Variants in ERC1 observed in about 807,000 individuals in gnomAD.
The protein encoded by ERC1 is RAB6 interacting protein 2.
A neutral mutation model predicts 132.0 loss-of-function variants in ERC1; 56 were observed. That is an observed-to-expected ratio of 0.42 (90% CI 0.34 to 0.53). ERC1 has a LOEUF of 0.53. Ranked by LOEUF, ERC1 falls within the 20% of genes least tolerant of loss-of-function variation. The pLI, the probability that ERC1 is intolerant of heterozygous loss-of-function variation, is 0.03. For synonymous variants in ERC1, 478 were observed against 476.1 expected, an observed-to-expected ratio of 1.00 and a Z score of -0.05; for missense variants, 1,202 against 1,349.9, an observed-to-expected ratio of 0.89 and a Z score of 1.72.
chr12:1,022,269 C>T (rs927035454), intron 1 of ERC1, among the ~76,000 whole-genome samples: 1 of 152,182 alleles, frequency 6.6e-6, no homozygotes, highest in African/African-American at 2.4e-5. Flanking sequence ...TGCATATGCA[C>T]ACCTGAAACA....
chr12:1,367,378 C>T (rs1380964870), intron 15 of ERC1, among the ~76,000 whole-genome samples: 1 of 152,188 alleles, frequency 6.6e-6, no homozygotes, highest in Non-Finnish European at 1.5e-5. Context: ...CATGATTACA[C>T]AGTCATTCAA....
intron 15 of ERC1, among the ~76,000 whole-genome samples, chr12:1,307,266 G>A (rs748318898): frequency 6.6e-6 from 1 of 152,152 alleles, no homozygotes; most frequent in Non-Finnish European, 1.5e-5. Flanking sequence ...AGTTCTTGGT[G>A]ATTTGACCCT....
intron 3 of ERC1, among the ~76,000 whole-genome samples, chr12:1,094,620 A>G (rs567415817): frequency 2.0e-5 from 3 of 152,238 alleles, no homozygotes; most frequent in Non-Finnish European, 4.4e-5. Flanking sequence ...TGTATTGGTC[A>G]GGCTGGTCTC....
chr12:1,053,564 C>T (rs1242621205), intron 2 of ERC1, among the ~76,000 whole-genome samples: 1 of 152,172 alleles, frequency 6.6e-6, no homozygotes, highest in African/African-American at 2.4e-5. Context: ...TCATGAAAAT[C>T]CTTGTATAGC....
chr12:1,028,318 G>C lies in ERC1; in HGVS notation c.415G>C (p.Val139Leu). ...CCCTCCTGTGAGTATGGCATCCACT[G>C]TACCTCACTCCCTTCGTCAGGCGAG... Reference protein sequence around the residue: ...HLPPVSMASTVPHSLRQARDN... With the variant: ...HLPPVSMASTLPHSLRQARDN... The change falls in exon 2 of 19, where the codon GTA (valine) becomes CTA (leucine). Residue 139 changes from valine to leucine, a missense_variant. Val to Leu is a conservative substitution (Grantham distance 32). Transcript: ENST00000360905. The C allele has an allele frequency of 1.2e-6, 2 of 1,614,158 alleles. No homozygotes were observed. The highest frequency in any genetic ancestry group is 1.7e-6 in the Non-Finnish European group (2 of 1,180,028).
intron 8 of ERC1, among the ~76,000 whole-genome samples, chr12:1,166,925 C>T (rs1362613708): frequency 6.6e-6 from 1 of 152,118 alleles, no homozygotes; most frequent in Admixed American, 6.5e-5. Context: ...AATATTTTTA[C>T]ATCATGGAAA....
intron 15 of ERC1, among the ~76,000 whole-genome samples, chr12:1,364,653 G>C (rs2086483636): frequency 6.6e-6 from 1 of 152,180 alleles, no homozygotes; most frequent in Non-Finnish European, 1.5e-5. Flanking sequence ...GCCCATGTCA[G>C]TTCCCACGTC....
At chr12:1,028,928 G>T (rs12302770) in intron 2 of ERC1, among the ~76,000 whole-genome samples, 2 of 150,208 alleles carry the variant, frequency 1.3e-5, no homozygotes, top group Non-Finnish European at 2.9e-5. Flanking sequence ...ATGTATTTTA[G>T]AGTAGGTAAC....
intron 16 of ERC1, among the ~76,000 whole-genome samples, chr12:1,388,016 A>T (rs2089560020): frequency 6.6e-6 from 1 of 152,222 alleles, no homozygotes; most frequent in Non-Finnish European, 1.5e-5. Context: ...GCCTCGGGGC[A>T]GAAGAGGTCA....
At chr12:1,069,744 T>C (rs1023977435) in intron 2 of ERC1, among the ~76,000 whole-genome samples, 1 of 152,218 alleles carries the variant, frequency 6.6e-6, no homozygotes, top group African/African-American at 2.4e-5. Context: ...AACATACTAA[T>C]TTTTCTGTAG....
At chr12:1,342,694 C>G (rs1447814888) in intron 15 of ERC1, among the ~76,000 whole-genome samples, 3 of 152,040 alleles carry the variant, frequency 2.0e-5, no homozygotes, top group African/African-American at 4.8e-5. Context: ...GATAAAATAG[C>G]AGATGAAAAG....
chr12:1,199,472 T>TAA (rs144332674), intron 12 of ERC1, among the ~76,000 whole-genome samples: 3,457 of 150,254 alleles, frequency 0.023, 117 homozygotes, highest in African/African-American at 0.079. Flanking sequence ...CTGACTTTGT[T>TAA]AAAAAAAAAA....
intron 1 of ERC1, among the ~76,000 whole-genome samples, chr12:1,020,356 C>G (rs1966166300): frequency 6.6e-6 from 1 of 152,172 alleles, no homozygotes; most frequent in Non-Finnish European, 1.5e-5. Flanking sequence ...ACTTGGGAGG[C>G]TGAGGCAGGA....
intron 2 of ERC1, among the ~76,000 whole-genome samples, chr12:1,049,853 A>G (rs1971634203): frequency 6.6e-6 from 1 of 150,934 alleles, no homozygotes; most frequent in African/African-American, 2.4e-5. Context: ...CCCGGGTTCA[A>G]GCGATTCTCC....
chr12:1,244,453 A>G (rs2076028985), intron 13 of ERC1: 3 of 425,650 alleles, frequency 7.0e-6, no homozygotes, highest in South Asian at 3.6e-5. Context: ...GTTAAGTATA[A>G]TAATTCTAGT....
intron 15 of ERC1, among the ~76,000 whole-genome samples, chr12:1,309,393 A>G (rs1000108191): frequency 1.3e-5 from 2 of 152,202 alleles, no homozygotes; most frequent in African/African-American, 4.8e-5. Context: ...CTGTGGTAGT[A>G]TTGTAGATAG....
intron 8 of ERC1, chr12:1,153,114 T>C (rs1252110230): frequency 6.6e-6 from 1 of 152,256 alleles, no homozygotes; most frequent in Non-Finnish European, 1.5e-5. Context: ...CAGTTGTCTG[T>C]AAAAGGTCAT....
chr12:1,189,798 A>G, intron 11 of ERC1, 61 bp from the exon 12 acceptor site: 4 of 1,284,348 alleles, frequency 3.1e-6, no homozygotes, highest in Non-Finnish European at 4.3e-6. Context: ...ATTGTTTGGG[A>G]CATGGTTTGC....
At chr12:1,434,346 C>T (rs555442996) in intron 17 of ERC1, among the ~76,000 whole-genome samples, 3 of 152,256 alleles carry the variant, frequency 2.0e-5, no homozygotes, top group African/African-American at 7.2e-5. Flanking sequence ...TCTATATAAG[C>T]TTAACTTTTT....
Sources: gnomAD v4.1 joint callset for allele counts (sites outside exome capture counted in the v4.1 genomes callset) on GRCh38, gnomAD v4.1.1 for gene constraint, MANE v1.5 for transcripts, NCBI Gene and HGNC (gene_info 2026-07-23, HGNC 2026-07-21) for gene names.